Variants in CNBD1 observed in about 807,000 individuals in gnomAD.
CNBD1 encodes cyclic nucleotide-binding domain-containing protein 1.
Under a neutral mutation model 54.4 loss-of-function variants are expected in CNBD1, and 71 were observed. The observed-to-expected ratio is 1.30, with a 90% CI of 1.08 to 1.59. The LOEUF is 1.59. Among genes scored for constraint, CNBD1 ranks in the 40% most tolerant of loss-of-function variants. CNBD1 has a pLI of 0.00. For missense variants in CNBD1, 659 were observed against 518.0 expected (o/e 1.27, Z -2.64); for synonymous variants, 182 against 170.7 (o/e 1.07, Z -0.51).
intron 2 of CNBD1, among the ~76,000 whole-genome samples, chr8:87,398,967 T>C (rs796820661): frequency 1.3e-5 from 2 of 152,146 alleles, no homozygotes; most frequent in African/African-American, 4.8e-5. Context: ...GTCAGAGAGA[T>C]TGTTATTCTT....
In CNBD1 at chr8:87,158,329, G is replaced by T. The variant is rs140930464; in HGVS notation, c.432-47664G>T. ...AAGATTAAGTGAGTTACTACATAAA[G>T]CTCTTAGAACAGTGCTAGACATAGT... On this transcript the variant is annotated intron_variant, in intron 4 of 10. Coordinates refer to ENST00000518476, the MANE Select transcript of CNBD1 (RefSeq NM_173538.3). Among the ~76,000 whole-genome samples, 15 of 152,244 alleles carry T rather than the reference G, an allele frequency of 9.9e-5. No homozygotes were observed. The East Asian group carries it at 2.9e-3, about 29-fold the overall frequency.
intron 2 of CNBD1, among the ~76,000 whole-genome samples, chr8:86,889,771 T>C (rs1451761483): frequency 2.0e-5 from 3 of 152,160 alleles, no homozygotes; most frequent in Non-Finnish European, 4.4e-5. Context: ...TTATTTATTT[T>C]AGTGCTTCCT....
At chr8:87,155,343 A>T (rs1812692284) in intron 4 of CNBD1, among the ~76,000 whole-genome samples, 1 of 152,184 alleles carries the variant, frequency 6.6e-6, no homozygotes. Context: ...TGACATTGCC[A>T]GATTTGCATT....
At chr8:87,424,235 T>A (rs1218927974) in intron 2 of CNBD1, among the ~76,000 whole-genome samples, 1 of 152,028 alleles carries the variant, frequency 6.6e-6, no homozygotes, top group Admixed American at 6.5e-5. Context: ...AGCTCCTGGA[T>A]TCATTAATTT....
At chr8:87,054,987 C>T (rs949669936) in intron 4 of CNBD1, among the ~76,000 whole-genome samples, 16 of 152,182 alleles carry the variant, frequency 1.1e-4, no homozygotes, top group Non-Finnish European at 1.6e-4. Context: ...AAACTGAGAA[C>T]GAGAAGCCTC....
intron 5 of CNBD1, among the ~76,000 whole-genome samples, chr8:87,228,241 C>G (rs943363623): frequency 1.1e-4 from 16 of 150,822 alleles, no homozygotes; most frequent in African/African-American, 3.5e-4. Context: ...TCTCTCAGCT[C>G]GTCAAAGTCC....
chr8:86,950,147 T>C (rs1807577433), intron 4 of CNBD1, among the ~76,000 whole-genome samples: 1 of 144,902 alleles, frequency 6.9e-6, no homozygotes, highest in Non-Finnish European at 1.5e-5. Flanking sequence ...CTGCAACCTC[T>C]GCCTCCCGGG....
At chr8:87,315,963 G>T (rs2130894758) in intron 8 of CNBD1, among the ~76,000 whole-genome samples, 1 of 152,022 alleles carries the variant, frequency 6.6e-6, no homozygotes, top group East Asian at 1.9e-4. Flanking sequence ...ATCACATGAT[G>T]TGCCCCATGA....
Position 86,917,011 on chromosome 8 carries a change from C to T in CNBD1, c.272+11817C>T, listed in dbSNP as rs546654670. 8.5e-5 allele frequency among the ~76,000 whole-genome samples: 13 copies of T among 152,092 alleles called. No individual in the cohort carries two copies. In the South Asian group the frequency reaches 2.7e-3, roughly 32 times the overall value. ...CCAGCCTGTCAAGTAGCTGGGACTA[C>T]AGGCAAGCACCACCGTGCCCAGCTA... On this transcript the variant is annotated intron_variant, in intron 3 of 10. Transcript: ENST00000518476.
At chr8:87,389,644 A>G (rs1408732207) in intron 2 of CNBD1, among the ~76,000 whole-genome samples, 11 of 152,230 alleles carry the variant, frequency 7.2e-5, no homozygotes, top group Non-Finnish European at 1.6e-4. Context: ...CATGGGTAGG[A>G]AGAATCAATA....
Position 87,351,686 on chromosome 8 carries a change from G to T in CNBD1, c.1044G>T (p.Val348=). ...ATGAACTATCTCTCTTCTTTTCAGT[G>T]ATAGTGGAAAGTGGAAATATAATTT... ...LKWKKFPPGH[V]IVESGNIISF... is the part of the protein sequence containing the mutation. The change falls in exon 9 of 11, where the codon GTG becomes GTT. Residue 348 remains valine, a splice_region_variant and synonymous_variant. Coordinates refer to ENST00000518476, the MANE Select transcript of CNBD1 (RefSeq NM_173538.3). 6.7e-7 allele frequency: 1 copy of T among 1,500,152 alleles called. No individual in the cohort carries two copies. The highest frequency in any genetic ancestry group is 1.4e-5 in the South Asian group (1 of 73,202). The allele number at this position is 1,500,152 out of a possible 1,614,324, so 92.9% of individuals were successfully genotyped here.
intron 4 of CNBD1, among the ~76,000 whole-genome samples, chr8:87,167,166 A>G (rs572964216): frequency 6.6e-6 from 1 of 152,122 alleles, no homozygotes; most frequent in African/African-American, 2.4e-5. Context: ...TTATTTTTAT[A>G]TTCAATCAAG....
At chr8:86,893,652 T>TG (rs1563812930) in intron 2 of CNBD1, among the ~76,000 whole-genome samples, 1 of 152,112 alleles carries the variant, frequency 6.6e-6, no homozygotes. Flanking sequence ...TGTAAACTCC[T>TG]GGAAAAAAAA....
intron 2 of CNBD1, among the ~76,000 whole-genome samples, chr8:86,900,789 G>A (rs2131803819): frequency 6.6e-6 from 1 of 152,110 alleles, no homozygotes; most frequent in South Asian, 2.1e-4. Flanking sequence ...GTTATTTCAG[G>A]GGAAGTAAAC....
At chr8:87,257,680 C>T (rs1808049357) in intron 6 of CNBD1, among the ~76,000 whole-genome samples, 1 of 152,044 alleles carries the variant, frequency 6.6e-6, no homozygotes, top group African/African-American at 2.4e-5. Context: ...GATTTATGTC[C>T]TCTTGAATAC....
intron 3 of CNBD1, among the ~76,000 whole-genome samples, chr8:86,920,285 T>C (rs1401668412): frequency 6.6e-6 from 1 of 152,198 alleles, no homozygotes; most frequent in African/African-American, 2.4e-5. Flanking sequence ...CCAGTAGTTA[T>C]TATCTTAAAA....
At chr8:87,051,928 T>G (rs911115604) in intron 4 of CNBD1, among the ~76,000 whole-genome samples, 7 of 152,300 alleles carry the variant, frequency 4.6e-5, no homozygotes, top group African/African-American at 1.7e-4. Context: ...TGCTGGACCA[T>G]CTGTGAGACT....
intron 8 of CNBD1, among the ~76,000 whole-genome samples, chr8:87,311,329 G>A (rs1412071311): frequency 6.6e-6 from 1 of 151,954 alleles, no homozygotes; most frequent in Non-Finnish European, 1.5e-5. Context: ...CATAAATGAA[G>A]CCAACAAACA....
At chr8:87,343,275 T>C (rs536699188) in intron 8 of CNBD1, among the ~76,000 whole-genome samples, 1 of 152,320 alleles carries the variant, frequency 6.6e-6, no homozygotes, top group Admixed American at 6.5e-5. Context: ...TACGGTCAGA[T>C]TTCATGTTGT....
Sources: gnomAD v4.1 joint callset for allele counts (sites outside exome capture counted in the v4.1 genomes callset) on GRCh38, gnomAD v4.1.1 for gene constraint, MANE v1.5 for transcripts, NCBI Gene and HGNC (gene_info 2026-07-23, HGNC 2026-07-21) for gene names.